Variants in MEMO1 observed in about 807,000 individuals in gnomAD.
The protein encoded by MEMO1 is protein MEMO1.
Under a neutral mutation model 45.2 loss-of-function variants are expected in MEMO1, and 6 were observed. The observed-to-expected ratio is 0.13, with a 90% CI of 0.07 to 0.26. The LOEUF is 0.26. Among genes scored for constraint, MEMO1 ranks in the 10% least tolerant of loss-of-function variants. MEMO1 has a pLI of 1.00. For missense variants in MEMO1, 184 were observed against 370.5 expected (o/e 0.50, Z 4.13); for synonymous variants, 78 against 124.3 (o/e 0.63, Z 2.48).
intron 2 of MEMO1, among the ~76,000 whole-genome samples, chr2:31,947,978 A>T (rs1666380371): frequency 6.6e-6 from 1 of 152,168 alleles, no homozygotes. Context: ...TCTCTTTTCA[A>T]ATTTAGTGAG....
chr2:31,920,855 G>T lies in MEMO1; in HGVS notation c.268C>A (p.Leu90Ile). The T allele has an allele frequency of 6.2e-7, 1 of 1,612,408 alleles. No individual in the cohort carries two copies. The highest frequency in any genetic ancestry group is 8.5e-7 in the Non-Finnish European group (1 of 1,179,336). ...GTCCTATATATATCCACACTGGAAA[G>T]TGCACATCGAGAGAGGGGCACATGA... ...SHHVPLSRCA[L>I]SSVDIYRTPL... Residue 90 changes from leucine (L) to isoleucine (I), a missense_variant, in exon 5 of 10, where the codon CTT becomes ATT. Leu to Ile is a conservative substitution (Grantham distance 5). Coordinates refer to ENST00000404530, the MANE Select transcript of MEMO1 (RefSeq NM_001301833.4).
At chr2:31,941,337 A>C (rs1037688367) in intron 3 of MEMO1, among the ~76,000 whole-genome samples, 7 of 152,134 alleles carry the variant, frequency 4.6e-5, no homozygotes, top group African/African-American at 1.4e-4. Flanking sequence ...TTGCTCTCTC[A>C]CATCATTCAG....
chr2:31,920,895 G>C lies in MEMO1; in HGVS notation c.228C>G (p.Ile76Met). 1 of 1,611,446 alleles carries C rather than the reference G, an allele frequency of 6.2e-7. No individual in the cohort carries two copies. The highest frequency in any genetic ancestry group is 8.5e-7 in the Non-Finnish European group (1 of 1,178,508). The change falls in exon 5 of 10, where the codon ATC (isoleucine) becomes ATG (methionine). Residue 76 changes from isoleucine to methionine, a missense_variant. Physicochemically the swap from Ile to Met is conservative, Grantham distance 10. Transcript: ENST00000404530. ...VDPSITRRIF[I>M]LGPSHHVPLS... Reference sequence around the variant, plus strand: ...GGGGCACATGATGAGAAGGCCCAAGGATGAAAATTCTCCGGCTAGGAGATA... The same window carrying C: ...GGGGCACATGATGAGAAGGCCCAAGCATGAAAATTCTCCGGCTAGGAGATA...
At chr2:31,925,111 C>T (rs892940330) in intron 4 of MEMO1, among the ~76,000 whole-genome samples, 2 of 152,108 alleles carry the variant, frequency 1.3e-5, no homozygotes, top group South Asian at 4.1e-4. Context: ...CTTGATAACA[C>T]CAACAACTTT....
At chr2:31,933,369 A>ATATATATATATATATATATATG (rs1320386731) in intron 3 of MEMO1, among the ~76,000 whole-genome samples, 1 of 121,494 alleles carries the variant, frequency 8.2e-6, no homozygotes, top group African/African-American at 3.0e-5. Flanking sequence ...ATATATATAT[A>ATATATATATATATATATATATG]TATATATATA....
At chr2:31,969,397 GTATATACATATATACACGTA>G (rs1192551279) in intron 2 of MEMO1, among the ~76,000 whole-genome samples, 26 of 145,956 alleles carry the variant, frequency 1.8e-4, no homozygotes, top group Admixed American at 3.6e-4. Flanking sequence ...ATATATACGT[GTATATACATATATACACGTA>G]TATATACATA....
intron 2 of MEMO1, among the ~76,000 whole-genome samples, chr2:31,984,698 C>T (rs918827548): frequency 5.3e-5 from 8 of 152,092 alleles, no homozygotes; most frequent in Admixed American, 2.0e-4. Flanking sequence ...CCCAGCCAGT[C>T]GGGAGGCTGA....
At chr2:31,962,017 A>G (rs1448674822) in intron 2 of MEMO1, among the ~76,000 whole-genome samples, 1 of 110,666 alleles carries the variant, frequency 9.0e-6, no homozygotes, top group Non-Finnish European at 1.9e-5. Context: ...CCTTTTCTGT[A>G]AAAAAAAAAA....
rs758686628 is a variant in MEMO1 at position 31,987,671 on chromosome 2, T to C, written c.61+22516A>G. Among the ~76,000 whole-genome samples the C allele has an allele frequency of 8.3e-4, 127 of 152,226 alleles. 2 individuals are homozygous for C. Among genetic ancestry groups the C allele is most frequent in the Non-Finnish European group, 2.4e-4 (16 of 68,048 alleles). ...CTGGGTGTTGAAAATACAAAGATTA[T>C]AGTGGTGATGTCACCTTCCACTTTG... On this transcript the variant is annotated intron_variant, in intron 2 of 9. Coordinates refer to ENST00000404530, the MANE Select transcript of MEMO1 (RefSeq NM_001301833.4).
At position 31,883,027 on chromosome 2, in the gene MEMO1, C is replaced by T. The variant is rs1033726464; in HGVS notation, c.657+359G>A. Reference sequence around the variant, plus strand: ...AAAAATATTTCAGGTAGTCGTGAAACAAACAGGAATTAGAGTCAAGGTATC... The same window carrying T: ...AAAAATATTTCAGGTAGTCGTGAAATAAACAGGAATTAGAGTCAAGGTATC... On this transcript the variant is annotated intron_variant, in intron 8 of 9. Transcript: ENST00000404530. Among the ~76,000 whole-genome samples the T allele has an allele frequency of 2.6e-5, 4 of 151,972 alleles. No individual in the cohort carries two copies. In the East Asian group the frequency reaches 7.7e-4, roughly 29 times the overall value.
chr2:32,005,148 G>GT (rs1359901242), intron 2 of MEMO1, among the ~76,000 whole-genome samples: 1 of 151,866 alleles, frequency 6.6e-6, no homozygotes, highest in Non-Finnish European at 1.5e-5. Context: ...TCTTACAAAT[G>GT]TAACACCGAG....
At chr2:31,935,722 C>G (rs1664840104) in intron 3 of MEMO1, among the ~76,000 whole-genome samples, 1 of 152,134 alleles carries the variant, frequency 6.6e-6, no homozygotes, top group African/African-American at 2.4e-5. Flanking sequence ...AATCAAATCA[C>G]ACTACAGATG....
chr2:31,938,786 ATT>A (rs398042391), intron 3 of MEMO1, among the ~76,000 whole-genome samples: 16,323 of 138,512 alleles, frequency 0.12, 845 homozygotes, highest in Middle Eastern at 0.16. Flanking sequence ...ATAGAACAAT[ATT>A]TTTTTTTTTT....
intron 6 of MEMO1, among the ~76,000 whole-genome samples, chr2:31,893,813 C>CTAGTA (rs1198502931): frequency 6.6e-6 from 1 of 152,142 alleles, no homozygotes; most frequent in Non-Finnish European, 1.5e-5. Flanking sequence ...CCACAAGAGC[C>CTAGTA]ATTAATCCCT....
intron 6 of MEMO1, among the ~76,000 whole-genome samples, chr2:31,911,976 T>A (rs963171759): frequency 3.9e-5 from 6 of 152,100 alleles, no homozygotes; most frequent in African/African-American, 1.4e-4. Context: ...TACTAATTTT[T>A]TCTACATGAT....
At chr2:31,956,792 A>G (rs952548365) in intron 2 of MEMO1, among the ~76,000 whole-genome samples, 1 of 152,216 alleles carries the variant, frequency 6.6e-6, no homozygotes, top group Non-Finnish European at 1.5e-5. Flanking sequence ...GTGTGCATAT[A>G]TATCATACAT....
chr2:31,888,338 C>A (rs1187875784), intron 7 of MEMO1, among the ~76,000 whole-genome samples: 1 of 152,060 alleles, frequency 6.6e-6, no homozygotes, highest in Non-Finnish European at 1.5e-5. Flanking sequence ...TTCACTAAAT[C>A]CAATTTCATT....
At chr2:31,899,367 C>T (rs1678413408) in intron 6 of MEMO1, among the ~76,000 whole-genome samples, 1 of 152,122 alleles carries the variant, frequency 6.6e-6, no homozygotes, top group South Asian at 2.1e-4. Context: ...ACAGAGGCCT[C>T]AGAAATAATG....
At chr2:31,920,172 C>A (rs1007304444) in intron 5 of MEMO1, among the ~76,000 whole-genome samples, 3 of 151,000 alleles carry the variant, frequency 2.0e-5, no homozygotes, top group East Asian at 1.9e-4. Context: ...CTCCCCCCCC[C>A]AAAAGAAAAA....
Sources: allele counts gnomAD v4.1 joint callset (sites outside exome capture counted in the v4.1 genomes callset), GRCh38; gene constraint gnomAD v4.1.1; transcripts MANE v1.5; gene names NCBI Gene and HGNC (gene_info 2026-07-23, HGNC 2026-07-21).